ANKFN1: variants seen among roughly 807,000 people sequenced by gnomAD.
ANKFN1 encodes ankyrin repeat and fibronectin type-III domain-containing protein 1.
A neutral mutation model predicts 108.7 loss-of-function variants in ANKFN1; 74 were observed. That is an observed-to-expected ratio of 0.68 (90% CI 0.56 to 0.83). The LOEUF is 0.83. Among genes scored for constraint, ANKFN1 ranks in the 40% least tolerant of loss-of-function variants. The pLI, the probability that ANKFN1 is intolerant of heterozygous loss-of-function variation, is 0.00. For missense variants in ANKFN1, 1,505 were observed against 1,382.3 expected, an observed-to-expected ratio of 1.09 and a Z score of -1.41; for synonymous variants, 547 against 516.2, an observed-to-expected ratio of 1.06 and a Z score of -0.81.
chr17:56,069,685 G>A (rs1567781104), intron 4 of ANKFN1, among the ~76,000 whole-genome samples: 1 of 152,164 alleles, frequency 6.6e-6, no homozygotes, highest in Non-Finnish European at 1.5e-5. Flanking sequence ...AAATGAAGGT[G>A]TTATTGGAAA....
At chr17:56,384,946 C>T (rs1026868515) in intron 8 of ANKFN1, among the ~76,000 whole-genome samples, 2 of 151,616 alleles carry the variant, frequency 1.3e-5, no homozygotes, top group African/African-American at 4.9e-5. Flanking sequence ...CAATGACTTT[C>T]TTCACAGAAT....
chr17:56,374,553 A>T (rs763194854), intron 7 of ANKFN1, 48 bp from the exon 8 acceptor site: 2 of 1,402,328 alleles, frequency 1.4e-6, no homozygotes, highest in African/African-American at 2.8e-5. Context: ...ACGTTGTTTG[A>T]AAAGGATTTG....
At chr17:56,295,441 G>A (rs2044481399) in intron 3 of ANKFN1, among the ~76,000 whole-genome samples, 1 of 152,188 alleles carries the variant, frequency 6.6e-6, no homozygotes, top group Non-Finnish European at 1.5e-5. Context: ...AAGAGCAGCA[G>A]CTGCTTGGGT....
intron 17 of ANKFN1, among the ~76,000 whole-genome samples, chr17:56,481,612 G>A (rs2050705907): frequency 6.6e-6 from 1 of 152,046 alleles, no homozygotes; most frequent in African/African-American, 2.4e-5. Context: ...CCATGAATTG[G>A]CCTCTAACCC....
chr17:56,287,282 T>C (rs2044244459), intron 3 of ANKFN1, among the ~76,000 whole-genome samples: 1 of 152,132 alleles, frequency 6.6e-6, no homozygotes, highest in Non-Finnish European at 1.5e-5. Context: ...AGTACTGTAG[T>C]CTGAGCCCAG....
At chr17:56,107,596 C>T (rs147676602) in intron 4 of ANKFN1, among the ~76,000 whole-genome samples, 72 of 152,208 alleles carry the variant, frequency 4.7e-4, no homozygotes, top group African/African-American at 1.3e-3. Flanking sequence ...CCAAAGAGCC[C>T]GCTAGTGTTC....
At chr17:56,345,060 C>A (rs1335863762) in intron 4 of ANKFN1, among the ~76,000 whole-genome samples, 1 of 152,056 alleles carries the variant, frequency 6.6e-6, no homozygotes, top group Non-Finnish European at 1.5e-5. Flanking sequence ...CACCCACCGA[C>A]AGACCCCAGT....
chr17:56,326,138 A>C, intron 3 of ANKFN1, 83 bp from the exon 4 acceptor site: 1 of 1,484,504 alleles, frequency 6.7e-7, no homozygotes, highest in Non-Finnish European at 9.0e-7. Flanking sequence ...TTCCTCTTTT[A>C]TTTTGCATTA....
At chr17:56,473,257 T>C (rs905874604) in intron 15 of ANKFN1, 2 of 152,178 alleles carry the variant, frequency 1.3e-5, no homozygotes, top group African/African-American at 4.8e-5. Context: ...CAATCCATTT[T>C]GGCTAGAGAT....
intron 18 of ANKFN1, among the ~76,000 whole-genome samples, chr17:56,487,145 C>T (rs1291630507): frequency 1.3e-5 from 2 of 152,164 alleles, no homozygotes; most frequent in Non-Finnish European, 2.9e-5. Context: ...GTTATGAGAT[C>T]AGGTTGAGGA....
intron 20 of ANKFN1, among the ~76,000 whole-genome samples, chr17:56,499,690 G>A (rs1266029414): frequency 6.6e-6 from 1 of 152,130 alleles, no homozygotes; most frequent in Non-Finnish European, 1.5e-5. Context: ...ACAAGCTGGA[G>A]AAGATACCTA....
intron 3 of ANKFN1, among the ~76,000 whole-genome samples, chr17:56,288,642 A>G (rs899299928): frequency 6.6e-6 from 1 of 152,188 alleles, no homozygotes; most frequent in African/African-American, 2.4e-5. Flanking sequence ...CTTACCCTAC[A>G]AGAGTCCACA....
chr17:56,125,495 G>A (rs1386255443), intron 4 of ANKFN1, among the ~76,000 whole-genome samples: 1 of 152,220 alleles, frequency 6.6e-6, no homozygotes, highest in Non-Finnish European at 1.5e-5. Flanking sequence ...GACTTCCATA[G>A]TGGGATTACT....
At chr17:56,226,874 C>G (rs1192583693) in intron 2 of ANKFN1, among the ~76,000 whole-genome samples, 2 of 151,992 alleles carry the variant, frequency 1.3e-5, no homozygotes, top group African/African-American at 4.8e-5. Flanking sequence ...TTTTATTTAA[C>G]CTTTATGGCA....
intron 4 of ANKFN1, 36 bp from the exon 5 acceptor site, chr17:56,350,728 GGT>G (rs111632247): frequency 0.053 from 82,708 of 1,547,466 alleles, 4,519 homozygotes; most frequent in African/African-American, 0.29. Context: ...TATAATTTGT[GGT>G]GTAAAAGATA....
At chr17:56,212,742 A>C (rs1915110918) in intron 2 of ANKFN1, among the ~76,000 whole-genome samples, 63 bp downstream of exon 2, 1 of 152,194 alleles carries the variant, frequency 6.6e-6, no homozygotes, top group Admixed American at 6.5e-5. Context: ...AAGGAACCCA[A>C]GCTGGATCAG....
chr17:56,294,696 G>GA (rs1427505789), intron 3 of ANKFN1, among the ~76,000 whole-genome samples: 2 of 152,170 alleles, frequency 1.3e-5, no homozygotes, highest in East Asian at 3.9e-4. Context: ...GTCATTCAGG[G>GA]ACAGCCCAAG....
intron 4 of ANKFN1, among the ~76,000 whole-genome samples, chr17:56,079,062 A>T (rs1482334711): frequency 1.3e-5 from 2 of 152,182 alleles, no homozygotes; most frequent in African/African-American, 4.8e-5. Context: ...GGGGCTGACA[A>T]ATAGGGCCAG....
At chr17:56,509,521 A>C (rs1337763933) in intron 20 of ANKFN1, among the ~76,000 whole-genome samples, 1 of 152,246 alleles carries the variant, frequency 6.6e-6, no homozygotes, top group Non-Finnish European at 1.5e-5. Context: ...TTCAGTGGCC[A>C]GAACTTAATT....
Sources: gnomAD v4.1 joint callset for allele counts (sites outside exome capture counted in the v4.1 genomes callset) on GRCh38, gnomAD v4.1.1 for gene constraint, MANE v1.5 for transcripts, NCBI Gene and HGNC (gene_info 2026-07-23, HGNC 2026-07-21) for gene names.